CCDC73: variants seen among roughly 807,000 people sequenced by gnomAD.
The protein encoded by CCDC73 is coiled-coil domain-containing protein 73.
CCDC73 carries 95 observed loss-of-function variants against 116.5 expected under a neutral mutation model. That is an observed-to-expected ratio of 0.82 (90% CI 0.69 to 0.97). The LOEUF (loss-of-function observed/expected upper bound fraction) is 0.97, where lower values mean the gene tolerates loss of function less well. CCDC73 is among the 50% of genes least tolerant of loss of function. The pLI is 0.00. For missense variants in CCDC73, 1,066 were observed against 1,206.8 expected, an observed-to-expected ratio of 0.88 and a Z score of 1.73; for synonymous variants, 398 against 401.3, an observed-to-expected ratio of 0.99 and a Z score of 0.10.
chr11:32,741,422 T>C (rs1255161320), intron 2 of CCDC73, among the ~76,000 whole-genome samples: 4 of 152,198 alleles, frequency 2.6e-5, no homozygotes, highest in African/African-American at 7.2e-5. Flanking sequence ...CATTATATAA[T>C]GACCTTCTTT....
At chr11:32,825,930 G>A in the CCDC73 span, among the ~76,000 whole-genome samples, 1 of 152,138 alleles carries the variant, frequency 6.6e-6, no homozygotes, top group Non-Finnish European at 1.5e-5. Flanking sequence ...GGGCAGCTCC[G>A]GTGCGCTCTA....
intron 1 of CCDC73, among the ~76,000 whole-genome samples, chr11:32,780,331 C>T (rs1447259597): frequency 6.6e-6 from 1 of 151,008 alleles, no homozygotes; most frequent in African/African-American, 2.4e-5. Flanking sequence ...TAAAATTAGC[C>T]GAAGTTTTTT....
chr11:32,672,742 G>C (rs1856050959), intron 9 of CCDC73, among the ~76,000 whole-genome samples: 1 of 151,938 alleles, frequency 6.6e-6, no homozygotes, highest in South Asian at 2.1e-4. Flanking sequence ...AATTTTCGAG[G>C]ATGTATCTAA....
At chr11:32,663,602 A>G (rs1590577947) in intron 9 of CCDC73, among the ~76,000 whole-genome samples, 2 of 152,182 alleles carry the variant, frequency 1.3e-5, no homozygotes, top group Non-Finnish European at 2.9e-5. Flanking sequence ...GGTTTTCTAA[A>G]TATACAGTCA....
At chr11:32,645,544 C>A (rs909225081) in intron 12 of CCDC73, among the ~76,000 whole-genome samples, 10 of 152,014 alleles carry the variant, frequency 6.6e-5, no homozygotes, top group Non-Finnish European at 1.2e-4. Flanking sequence ...CCGCCTTGGC[C>A]TCCCAAAGTG....
chr11:32,758,240 C>T (rs987545316), intron 2 of CCDC73: 30 of 317,422 alleles, frequency 9.5e-5, no homozygotes, highest in African/African-American at 6.0e-4. Context: ...TCCTCTTCAT[C>T]CAGGGATGGC....
intron 14 of CCDC73, among the ~76,000 whole-genome samples, chr11:32,622,683 AAAAAG>A (rs1411150487): frequency 3.3e-5 from 5 of 151,212 alleles, no homozygotes; most frequent in South Asian, 2.1e-4. Context: ...GAAAAAAAAA[AAAAAG>A]AAAGAATGAA....
chr11:32,805,229 CAGTT>C, the CCDC73 span, among the ~76,000 whole-genome samples: 1 of 152,196 alleles, frequency 6.6e-6, no homozygotes, highest in South Asian at 2.1e-4. Flanking sequence ...CAATTCTCTT[CAGTT>C]AATGATATAG....
At chr11:32,712,965 C>A (rs919357709) in intron 3 of CCDC73, among the ~76,000 whole-genome samples, 1 of 151,986 alleles carries the variant, frequency 6.6e-6, no homozygotes. Context: ...AAGTATATCT[C>A]TTTGATCTCT....
chr11:32,658,990 TAA>T (rs1456012001), intron 9 of CCDC73, among the ~76,000 whole-genome samples: 1 of 152,050 alleles, frequency 6.6e-6, no homozygotes, highest in East Asian at 1.9e-4. Context: ...TTACACAAAA[TAA>T]GAGACAGAAA....
At chr11:32,798,326 G>A (rs1434150370), upstream of CCDC73, among the ~76,000 whole-genome samples, 3 of 152,224 alleles carry the variant, frequency 2.0e-5, no homozygotes, top group South Asian at 2.1e-4. Context: ...ACGAGGTCTC[G>A]CTCACTACGC....
chr11:32,749,208 TTGTA>T (rs1294002061), intron 2 of CCDC73, among the ~76,000 whole-genome samples: 2 of 152,058 alleles, frequency 1.3e-5, no homozygotes, highest in Non-Finnish European at 2.9e-5. Context: ...TTTCTCGATT[TTGTA>T]TGTGTGTTTC....
intron 1 of CCDC73, among the ~76,000 whole-genome samples, chr11:32,785,232 T>C (rs1850617743): frequency 6.6e-6 from 1 of 152,188 alleles, no homozygotes; most frequent in Non-Finnish European, 1.5e-5. Context: ...TCACATATGG[T>C]AAGTTTTATA....
At chr11:32,781,245 G>A (rs1850581159) in intron 1 of CCDC73, among the ~76,000 whole-genome samples, 1 of 152,138 alleles carries the variant, frequency 6.6e-6, no homozygotes, top group Admixed American at 6.5e-5. Context: ...TAAAGATAGT[G>A]GATTGAACAG....
intron 7 of CCDC73, among the ~76,000 whole-genome samples, chr11:32,679,489 G>A (rs534428745): frequency 4.6e-5 from 7 of 151,932 alleles, no homozygotes; most frequent in South Asian, 2.1e-4. Flanking sequence ...TCAGCCTCCC[G>A]AGTAGCTAGG....
At chr11:32,661,673 C>T (rs1014154657) in intron 9 of CCDC73, among the ~76,000 whole-genome samples, 30 of 150,544 alleles carry the variant, frequency 2.0e-4, no homozygotes, top group African/African-American at 7.1e-4. Flanking sequence ...TGTATATGTG[C>T]CACATTTTCT....
intron 6 of CCDC73, among the ~76,000 whole-genome samples, chr11:32,687,820 G>T (rs905868974): frequency 6.6e-6 from 1 of 152,008 alleles, no homozygotes; most frequent in Non-Finnish European, 1.5e-5. Flanking sequence ...TGGAGAAATG[G>T]TTTTTTCCAG....
intron 1 of CCDC73, among the ~76,000 whole-genome samples, chr11:32,788,477 T>C (rs1021374133): frequency 2.0e-5 from 2 of 98,434 alleles, no homozygotes; most frequent in Non-Finnish European, 4.1e-5. Context: ...GGTACAAATC[T>C]TTTTTTTTTT....
At chr11:32,631,166 T>C (rs1565061479) in intron 14 of CCDC73, among the ~76,000 whole-genome samples, 1 of 152,218 alleles carries the variant, frequency 6.6e-6, no homozygotes, top group Non-Finnish European at 1.5e-5. Flanking sequence ...CACTAATTGA[T>C]AGAACACAGA....
Sources: allele counts gnomAD v4.1 joint callset (sites outside exome capture counted in the v4.1 genomes callset), GRCh38; gene constraint gnomAD v4.1.1; transcripts MANE v1.5; gene names NCBI Gene and HGNC (gene_info 2026-07-23, HGNC 2026-07-21).